SLC30A10: variants seen among roughly 807,000 people sequenced by gnomAD.
SLC30A10 encodes calcium/manganese antiporter SLC30A10.
SLC30A10 carries 8 observed loss-of-function variants against 21.7 expected under a neutral mutation model. The ratio of observed to expected loss-of-function variants is 0.37; its 90% CI spans 0.22 to 0.67. The LOEUF (loss-of-function observed/expected upper bound fraction) is 0.67. Ranked by LOEUF, SLC30A10 falls within the 30% of genes least tolerant of loss-of-function variation. The pLI is 0.58. For missense variants in SLC30A10, 521 were observed against 642.5 expected (o/e 0.81, Z 2.04); for synonymous variants, 272 against 279.4 (o/e 0.97, Z 0.26).
In SLC30A10 at chr1:219,927,666, A is replaced by AAAAC. The variant is rs1553313720; in HGVS notation, c.640+134_640+135insGTTT. 112 of 251,800 alleles carry AAAAC rather than the reference A, an allele frequency of 4.4e-4. 1 individual carries two copies. The highest frequency in any genetic ancestry group is 5.3e-4 in the Non-Finnish European group (87 of 163,180). The allele number at this position is 251,800 out of a possible 1,614,324, so 15.6% of individuals were successfully genotyped here. A position where few individuals can be genotyped will look rare whatever the true frequency, so the allele number is the denominator to read the frequency against. On this transcript the variant is annotated intron_variant, in intron 1 of 3. Transcript: ENST00000366926. ...AAAAAAAAAAAAAAAAAAAAAAAAA[A>AAAAC]AACAACAACAACAAAAAAAAAAAAA...
chr1:219,912,170 CAAAAAAAAAAA>C lies in SLC30A10; in HGVS notation c.*3268_*3278del, dbSNP rs59792236. Among the ~76,000 whole-genome samples, 12 of 74,720 alleles carry C rather than the reference CAAAAAAAAAAA, an allele frequency of 1.6e-4. No homozygotes were observed. The highest frequency in any genetic ancestry group is 4.8e-4 in the Admixed American group (3 of 6,248). 49.0% of individuals were successfully genotyped at this position (74,720 alleles called of 152,430 possible). A position where few individuals can be genotyped will look rare whatever the true frequency, so the allele number is the denominator to read the frequency against. Reference sequence around the variant, plus strand: ...CCACTGGAATTTGCTCTACCAATGGCAAAAAAAAAAAAAAAAAAAAAAAAAAGAACTAAATA... The same window carrying C: ...CCACTGGAATTTGCTCTACCAATGGCAAAAAAAAAAAAAAAGAACTAAATA... On this transcript the variant is annotated 3_prime_UTR_variant, in exon 4 of 4. Transcript: ENST00000366926.
chr1:219,958,036 C>A (rs1332612669), intron 1 of SLC30A10, among the ~76,000 whole-genome samples: 1 of 152,112 alleles, frequency 6.6e-6, no homozygotes, highest in Non-Finnish European at 1.5e-5. Context: ...TTTATTTTTT[C>A]TCTCGCCATT....
At position 219,918,179 on chromosome 1, in the gene SLC30A10, C is replaced by T. The variant is rs1003945628; in HGVS notation, c.958+76G>A. On this transcript the variant is annotated intron_variant, in intron 3 of 3. Transcript: ENST00000366926. The surrounding 1 kb of genome is among the most constrained non-coding windows in gnomAD (Gnocchi z 4.4). ...CAGAATACATAACTCAAACACTGCT[C>T]TTAAATAATGCTTGTCCTTTGGCCT... 1 of 1,553,856 alleles carries T rather than the reference C, an allele frequency of 6.4e-7. No individual in the cohort carries two copies. The highest frequency in any genetic ancestry group is 1.8e-5 in the Admixed American group (1 of 54,124).
intron 1 of SLC30A10, among the ~76,000 whole-genome samples, chr1:219,927,397 G>C (rs938321592): frequency 6.6e-6 from 1 of 151,846 alleles, no homozygotes; most frequent in Admixed American, 6.6e-5. Context: ...TGGGCAAAGA[G>C]GGGGGGAGAA....
chr1:219,951,897 G>A (rs1660277685), intron 1 of SLC30A10, among the ~76,000 whole-genome samples: 1 of 152,050 alleles, frequency 6.6e-6, no homozygotes, highest in Non-Finnish European at 1.5e-5. Flanking sequence ...ATTGTGCCCA[G>A]CTGAAATATA....
chr1:219,915,526 TATCCA>T lies in SLC30A10; in HGVS notation c.1376_1380del (p.Leu459Ter). 1.9e-6 allele frequency: 3 copies of T among 1,614,232 alleles called. No individual in the cohort carries two copies. The highest frequency in any genetic ancestry group is 2.5e-6 in the Non-Finnish European group (3 of 1,180,042). On this transcript the variant is annotated frameshift_variant, in exon 4 of 4. Transcript: ENST00000366926. LOFTEE classifies it low-confidence loss of function (END_TRUNC). The stretch of plus-strand genomic sequence containing the variant: ...CTTTGTCCGTGGTCACTCAGACAGC[TATCCA>T]AAGACACTTCAATAGCCACTTCTCT...
intron 2 of SLC30A10, among the ~76,000 whole-genome samples, chr1:219,924,090 C>G (rs565701410): frequency 5.3e-5 from 8 of 152,224 alleles, no homozygotes; most frequent in African/African-American, 1.9e-4. Context: ...CAAACAAAAA[C>G]TCATTTTTTA....
At chr1:219,930,586 G>A (rs1659956169), upstream of SLC30A10, among the ~76,000 whole-genome samples, 1 of 152,188 alleles carries the variant, frequency 6.6e-6, no homozygotes, top group African/African-American at 2.4e-5. Context: ...TAACAGCCAT[G>A]CTAAAGCATC....
intron 3 of SLC30A10, among the ~76,000 whole-genome samples, chr1:219,917,804 G>A (rs544930712): frequency 3.4e-5 from 5 of 145,320 alleles, no homozygotes; most frequent in East Asian, 2.1e-4. Context: ...TCCGCCTCCC[G>A]GGTTCAAGCG....
chr1:219,953,100 A>T (rs1439893712), intron 1 of SLC30A10, among the ~76,000 whole-genome samples: 1 of 152,192 alleles, frequency 6.6e-6, no homozygotes, highest in Non-Finnish European at 1.5e-5. Flanking sequence ...TAATTGATCA[A>T]CAGCTGTGAC....
At chr1:219,939,422 C>CT (rs1219252828) in intron 1 of SLC30A10, among the ~76,000 whole-genome samples, 10 of 151,664 alleles carry the variant, frequency 6.6e-5, no homozygotes, top group Admixed American at 2.0e-4. Context: ...TCATGGGTTT[C>CT]TTTTTTTTCC....
rs1301695649 is a variant in SLC30A10, at chr1:219,911,814, A to C, written c.*3635T>G. On this transcript the variant is annotated 3_prime_UTR_variant, in exon 4 of 4. Transcript: ENST00000366926. ...CCCTTAGTTCTACCCAGTGGCTCAGAACTTGGGGCAATTTTTTTTCCCAGG... is the reference window on the plus strand; with the variant it reads ...CCCTTAGTTCTACCCAGTGGCTCAGCACTTGGGGCAATTTTTTTTCCCAGG... 6.6e-6 allele frequency among the ~76,000 whole-genome samples: 1 copy of C among 152,100 alleles called. No homozygotes were observed. Among genetic ancestry groups the C allele is most frequent in the East Asian group, 1.9e-4 (1 of 5,196 alleles).
rs1571791640 is a variant in SLC30A10 at position 219,918,148 on chromosome 1, G to A, written c.958+107C>T. 2 of 1,383,148 alleles carry A rather than the reference G, an allele frequency of 1.4e-6. No individual in the cohort carries two copies. The highest frequency in any genetic ancestry group is 4.6e-5 in the East Asian group (2 of 43,440). 85.7% of individuals were successfully genotyped at this position (1,383,148 alleles called of 1,614,324 possible). On this transcript the variant is annotated intron_variant, in intron 3 of 3. Transcript: ENST00000366926. This position sits in a 1 kb window ranked among gnomAD's most constrained non-coding sequence, Gnocchi z 4.4. The stretch of plus-strand genomic sequence containing the variant: ...CATCTCTACCACCTGGTGATTTAAG[G>A]TGTTTCAGAATACATAACTCAAACA...
intron 1 of SLC30A10, among the ~76,000 whole-genome samples, chr1:219,957,468 T>A (rs1217984744): frequency 1.3e-5 from 2 of 152,190 alleles, no homozygotes; most frequent in African/African-American, 4.8e-5. Flanking sequence ...TTGAAATTTT[T>A]AAAAATTCAT....
At chr1:219,951,284 T>C (rs150592416) in intron 1 of SLC30A10, among the ~76,000 whole-genome samples, 1 of 151,540 alleles carries the variant, frequency 6.6e-6, no homozygotes, top group Non-Finnish European at 1.5e-5. Context: ...TTAAAATAGG[T>C]GTAATGATAC....
rs112770333 is a variant in SLC30A10 at position 219,910,512 on chromosome 1, A to G, written c.*4937T>C. Among the ~76,000 whole-genome samples the G allele has an allele frequency of 4.1e-4, 63 of 152,332 alleles. No individual in the cohort carries two copies. The highest frequency in any genetic ancestry group is 1.4e-3 in the African/African-American group (58 of 41,582). ...TTGAAAGGTATGCTCATGTACATACATTACTGGGGGATTCACATGCAATTA... is the reference window on the plus strand; with the variant it reads ...TTGAAAGGTATGCTCATGTACATACGTTACTGGGGGATTCACATGCAATTA... On this transcript the variant is annotated 3_prime_UTR_variant, in exon 4 of 4. Coordinates refer to ENST00000366926, the MANE Select transcript of SLC30A10 (RefSeq NM_018713.3).
chr1:219,951,800 A>G (rs1660276886), intron 1 of SLC30A10, among the ~76,000 whole-genome samples: 1 of 151,860 alleles, frequency 6.6e-6, no homozygotes, highest in African/African-American at 2.4e-5. Flanking sequence ...ATGGCATGCT[A>G]TCATAGCTCT....
chr1:219,925,632 C>CATATAT (rs1164535981), intron 2 of SLC30A10, among the ~76,000 whole-genome samples: 38 of 68,874 alleles, frequency 5.5e-4, no homozygotes, highest in African/African-American at 1.6e-3. Flanking sequence ...TGTGTGTGTA[C>CATATAT]ATATATATAT....
chr1:219,915,639 GCCAGAGGCAGTGCC>G lies in SLC30A10; in HGVS notation c.1254_1267del (p.Ala419SerfsTer7). The G allele has an allele frequency of 6.2e-7, 1 of 1,614,250 alleles. No homozygotes were observed. Among genetic ancestry groups the G allele is most frequent in the Non-Finnish European group, 8.5e-7 (1 of 1,180,048 alleles). On this transcript the variant is annotated frameshift_variant, in exon 4 of 4. Coordinates refer to ENST00000366926, the MANE Select transcript of SLC30A10 (RefSeq NM_018713.3). LOFTEE classifies it low-confidence loss of function (END_TRUNC). Reference sequence around the variant, plus strand: ...GTGCTCAGCACAGCCATTGACGTGAGCCAGAGGCAGTGCCCCGGGGGGACAACACAGCTGCTTAG... The same window carrying G: ...GTGCTCAGCACAGCCATTGACGTGAGCCGGGGGGACAACACAGCTGCTTAG...
Sources: gnomAD v4.1 joint callset for allele counts (sites outside exome capture counted in the v4.1 genomes callset) on GRCh38, gnomAD v4.1.1 for gene constraint, Gnocchi (gnomAD v3.1) non-coding constraint, MANE v1.5 for transcripts, NCBI Gene and HGNC (gene_info 2026-07-23, HGNC 2026-07-21) for gene names.